The following DNAJC1 variants were observed in gnomAD, a reference collection of about 807,000 sequenced individuals.
DNAJC1 encodes the protein dnaJ homolog subfamily C member 1.
In DNAJC1, 58 loss-of-function variants were observed where a neutral mutation model predicts 76.6. That is an observed-to-expected ratio of 0.76 (90% CI 0.61 to 0.94). The LOEUF (loss-of-function observed/expected upper bound fraction) is 0.94. DNAJC1 is among the 40% of genes least tolerant of loss of function. The pLI, the probability that DNAJC1 is intolerant of heterozygous loss-of-function variation, is 0.00. For missense variants in DNAJC1, 689 were observed against 677.3 expected, an observed-to-expected ratio of 1.02 and a Z score of -0.19; for synonymous variants, 258 against 267.9, an observed-to-expected ratio of 0.96 and a Z score of 0.36.
At chr10:21,925,185 T>C (rs1278135373) in intron 3 of DNAJC1, among the ~76,000 whole-genome samples, 2 of 152,086 alleles carry the variant, frequency 1.3e-5, no homozygotes, top group African/African-American at 4.8e-5. Context: ...GTAATTTTTT[T>C]ATTTTTTGTA....
At chr10:21,772,375 T>G (rs573428888) in intron 9 of DNAJC1, among the ~76,000 whole-genome samples, 7 of 151,448 alleles carry the variant, frequency 4.6e-5, no homozygotes, top group Non-Finnish European at 8.8e-5. Flanking sequence ...ATGTATAGGT[T>G]TTTGATAACT....
intron 1 of DNAJC1, among the ~76,000 whole-genome samples, chr10:21,951,661 C>T (rs1212613348): frequency 6.6e-6 from 1 of 151,984 alleles, no homozygotes; most frequent in Non-Finnish European, 1.5e-5. Context: ...CGAAACTTAC[C>T]CATAACTATT....
intron 8 of DNAJC1, among the ~76,000 whole-genome samples, chr10:21,826,220 A>G (rs1239568876): frequency 1.5e-5 from 1 of 65,812 alleles, no homozygotes; most frequent in African/African-American, 8.6e-5. Context: ...CCTGGGCAAC[A>G]AGAATGAGAC....
intron 7 of DNAJC1, among the ~76,000 whole-genome samples, chr10:21,900,767 T>C (rs1836639128): frequency 6.6e-6 from 1 of 152,220 alleles, no homozygotes; most frequent in Admixed American, 6.5e-5. Context: ...CTGGAGCTAG[T>C]GATCAGTTAC....
At chr10:21,935,837 A>T (rs1837303590) in intron 1 of DNAJC1, among the ~76,000 whole-genome samples, 1 of 152,162 alleles carries the variant, frequency 6.6e-6, no homozygotes, top group Non-Finnish European at 1.5e-5. Flanking sequence ...AAAATCTATC[A>T]ACCAAGAAGT....
chr10:21,816,228 C>T (rs954528410), intron 8 of DNAJC1, among the ~76,000 whole-genome samples: 15 of 151,110 alleles, frequency 9.9e-5, no homozygotes, highest in Admixed American at 6.6e-5. Flanking sequence ...ATTAGGCAGA[C>T]GTGAGCCTGT....
At chr10:21,919,729 T>C in intron 5 of DNAJC1, 103 bp downstream of exon 5, 1 of 745,118 alleles carries the variant, frequency 1.3e-6, no homozygotes, top group Non-Finnish European at 2.1e-6. Flanking sequence ...ACCACAGATA[T>C]AAATGAGAGC....
At chr10:21,773,192 G>T (rs1294451080) in intron 9 of DNAJC1, among the ~76,000 whole-genome samples, 1 of 152,166 alleles carries the variant, frequency 6.6e-6, no homozygotes, top group Non-Finnish European at 1.5e-5. Flanking sequence ...GGTATAGTTT[G>T]TTCTCTTTCT....
In DNAJC1 at chr10:21,952,843, C is replaced by T. The variant is rs143712540; in HGVS notation, c.223-23702G>A. 7.6e-4 allele frequency among the ~76,000 whole-genome samples: 115 copies of T among 152,278 alleles called. 1 individual carries two copies. The East Asian group carries it at 0.014, about 19-fold the overall frequency. ...CTCAAACTCCTAGGTTCAAGCAATC[C>T]TCCCACCTCAGCCTCCTGAGAAGGC... On this transcript the variant is annotated intron_variant, in intron 1 of 11. Transcript: ENST00000376980.
At position 21,882,383 on chromosome 10, in the gene DNAJC1, T is replaced by C. The variant is rs547581352; in HGVS notation, c.877A>G (p.Thr293Ala). The change falls in exon 8 of 12, where the codon ACT (threonine) becomes GCT (alanine). Residue 293 changes from threonine (T) to alanine (A), a missense_variant. By Grantham distance (58) the Thr-to-Ala change is moderately conservative (BLOSUM62 0). Coordinates refer to ENST00000376980, the MANE Select transcript of DNAJC1 (RefSeq NM_022365.4). Reference protein sequence around the residue: ...PEFPVYTPLETTYIQSYDHGT... With the variant: ...PEFPVYTPLEATYIQSYDHGT... ...TGATCATAAGACTGAATATATGTAG[T>C]TTCTAAAGGTGTGTATACAGGAAAT... 3.8e-6 allele frequency: 6 copies of C among 1,592,044 alleles called. No homozygotes were observed. In the South Asian group the frequency reaches 7.0e-5, roughly 19 times the overall value.
Position 21,812,432 on chromosome 10 carries a change from T to G in DNAJC1, c.979-6333A>C, listed in dbSNP as rs368283990. ...CTTTCTTGAAGTACGTGTTCATGTCTTTTGACCATTTGTTAATTGGTTGTC... is the reference window on the plus strand; with the variant it reads ...CTTTCTTGAAGTACGTGTTCATGTCGTTTGACCATTTGTTAATTGGTTGTC... On this transcript the variant is annotated intron_variant, in intron 8 of 11. Coordinates refer to ENST00000376980, the MANE Select transcript of DNAJC1 (RefSeq NM_022365.4). 3.3e-5 allele frequency among the ~76,000 whole-genome samples: 5 copies of G among 152,348 alleles called. No individual in the cohort carries two copies. In the East Asian group the frequency reaches 7.7e-4, roughly 23 times the overall value.
chr10:21,777,067 A>C (rs1796339006), intron 9 of DNAJC1, among the ~76,000 whole-genome samples: 2 of 152,220 alleles, frequency 1.3e-5, no homozygotes, highest in South Asian at 4.1e-4. Flanking sequence ...CAGAGTAATA[A>C]AATAAATGCT....
At chr10:21,998,719 C>T (rs890135550) in intron 1 of DNAJC1, among the ~76,000 whole-genome samples, 9 of 152,058 alleles carry the variant, frequency 5.9e-5, no homozygotes, top group African/African-American at 2.2e-4. Context: ...CTAGAATGGA[C>T]GTGAAATCTA....
At chr10:21,962,792 A>G (rs926551577) in intron 1 of DNAJC1, among the ~76,000 whole-genome samples, 3 of 151,602 alleles carry the variant, frequency 2.0e-5, no homozygotes, top group African/African-American at 7.3e-5. Context: ...CACATTATTT[A>G]AAATTTCCCT....
intron 6 of DNAJC1, among the ~76,000 whole-genome samples, chr10:21,906,692 C>G (rs1413965125): frequency 6.6e-6 from 1 of 152,012 alleles, no homozygotes; most frequent in African/African-American, 2.4e-5. Flanking sequence ...TCAGCTCTGC[C>G]ATCTTACTAG....
At chr10:21,919,978 T>C in intron 4 of DNAJC1, 49 bp from the exon 5 acceptor site, 2 of 1,192,462 alleles carry the variant, frequency 1.7e-6, no homozygotes, top group Non-Finnish European at 2.4e-6. Flanking sequence ...ACATGTACAC[T>C]TCAAATGTTA....
At chr10:21,824,957 G>A (rs1835222763) in intron 8 of DNAJC1, among the ~76,000 whole-genome samples, 1 of 151,966 alleles carries the variant, frequency 6.6e-6, no homozygotes, top group African/African-American at 2.4e-5. Context: ...TGTATTTTTA[G>A]TAGAGACGGG....
chr10:21,919,248 C>T (rs978204468), intron 5 of DNAJC1, among the ~76,000 whole-genome samples: 3 of 152,012 alleles, frequency 2.0e-5, no homozygotes, highest in Admixed American at 6.5e-5. Flanking sequence ...TCAGAGTGTT[C>T]CCAAGTGCTG....
chr10:21,813,563 T>C (rs1346151314), intron 8 of DNAJC1, among the ~76,000 whole-genome samples: 3 of 151,648 alleles, frequency 2.0e-5, no homozygotes, highest in Non-Finnish European at 4.4e-5. Context: ...GCCCAGCTAA[T>C]TTTTTTTGTA....
Sources: gnomAD v4.1 joint callset for allele counts (sites outside exome capture counted in the v4.1 genomes callset) on GRCh38, gnomAD v4.1.1 for gene constraint, MANE v1.5 for transcripts, NCBI Gene and HGNC (gene_info 2026-07-23, HGNC 2026-07-21) for gene names.